Variants in FYCO1 observed in about 807,000 individuals in gnomAD.
FYCO1 encodes FYVE and coiled-coil domain-containing protein 1.
In FYCO1, 122 loss-of-function variants were observed where a neutral mutation model predicts 165.1. The observed-to-expected ratio is 0.74, with a 90% confidence interval of 0.64 to 0.86. The LOEUF (loss-of-function observed/expected upper bound fraction) is 0.86, where lower values mean the gene tolerates loss of function less well. FYCO1 is among the 40% of genes least tolerant of loss of function. The probability of loss-of-function intolerance (pLI) is 0.00; values close to 1 mark genes in which losing one functional copy is unlikely to be tolerated. For missense variants in FYCO1, 1,702 were observed against 1,810.3 expected, an observed-to-expected ratio of 0.94 and a Z score of 1.09; for synonymous variants, 648 against 742.5, an observed-to-expected ratio of 0.87 and a Z score of 2.07.
intron 4 of FYCO1, among the ~76,000 whole-genome samples, chr3:45,978,210 A>G (rs1178369781): frequency 6.6e-6 from 1 of 152,250 alleles, no homozygotes; most frequent in African/African-American, 2.4e-5. Context: ...CCAGACTTCA[A>G]CTGTCCAAAG....
chr3:45,945,938 A>C (rs1704567713), intron 14 of FYCO1: 1 of 154,580 alleles, frequency 6.5e-6, no homozygotes, highest in Non-Finnish European at 1.4e-5. Context: ...GGTCTCCAGG[A>C]GTCTCCTTGA....
chr3:45,980,364 A>G (rs1447550127), intron 3 of FYCO1, among the ~76,000 whole-genome samples: 1 of 152,178 alleles, frequency 6.6e-6, no homozygotes, highest in Non-Finnish European at 1.5e-5. Flanking sequence ...AAAAAAAAAA[A>G]AAGAAAAAGA....
At position 45,932,444 on chromosome 3, in the gene FYCO1, GA is replaced by G. The variant is rs373972723; in HGVS notation, c.4041-1164del. On this transcript the variant is annotated intron_variant, in intron 15 of 17. Transcript: ENST00000296137. ...TGACTGTTGCCATTCTACAAAAGAG[GA>G]AACTAAGATTCTAAAAGATTGAGAA... is the stretch of plus-strand genomic sequence containing the variant. 6.2e-3 allele frequency among the ~76,000 whole-genome samples: 947 copies of G among 152,360 alleles called. 2 individuals carry two copies. Among genetic ancestry groups the G allele is most frequent in the Middle Eastern group, 0.014 (4 of 294 alleles).
At chr3:45,972,063 G>A (rs769942801) in intron 6 of FYCO1, among the ~76,000 whole-genome samples, 8 of 152,138 alleles carry the variant, frequency 5.3e-5, no homozygotes, top group Non-Finnish European at 1.2e-4. Flanking sequence ...GTAAAATATC[G>A]ATAACTAGGG....
At chr3:45,974,852 A>G (rs1706653649) in intron 5 of FYCO1, among the ~76,000 whole-genome samples, 1 of 152,172 alleles carries the variant, frequency 6.6e-6, no homozygotes, top group South Asian at 2.1e-4. Context: ...GTGAGGACGC[A>G]GGCTCAGTAG....
chr3:45,976,614 G>A (rs938754180), intron 4 of FYCO1, among the ~76,000 whole-genome samples: 1 of 152,138 alleles, frequency 6.6e-6, no homozygotes, highest in Non-Finnish European at 1.5e-5. Flanking sequence ...GGGGGAAGGG[G>A]GAGCAGTGGT....
rs546867484 is a variant in FYCO1, at chr3:45,961,561, G to A, written c.3437+664C>T. Among the ~76,000 whole-genome samples the A allele has an allele frequency of 3.0e-3, 460 of 151,472 alleles. 2 individuals carry two copies. Among genetic ancestry groups the A allele is most frequent in the Non-Finnish European group, 5.4e-3 (365 of 67,914 alleles). On this transcript the variant is annotated intron_variant, in intron 11 of 17. Coordinates refer to ENST00000296137, the MANE Select transcript of FYCO1 (RefSeq NM_024513.4). ...CCACTGTACTCAAGCCTGGGCAACA[G>A]AGTGAGACTCTGTCTCAAAAAAAAA...
chr3:45,936,279 T>C (rs745311117), intron 15 of FYCO1, among the ~76,000 whole-genome samples, 169 bp downstream of exon 15: 2 of 152,156 alleles, frequency 1.3e-5, no homozygotes, highest in African/African-American at 2.4e-5. Flanking sequence ...CACTGTATAC[T>C]TGCTTGAATC....
chr3:45,946,852 CTG>C, intron 14 of FYCO1: 1 of 1,614,218 alleles, frequency 6.2e-7, no homozygotes, highest in South Asian at 1.1e-5. Flanking sequence ...ACCTGCATCA[CTG>C]TGGATCGTTT....
chr3:45,975,918 G>A (rs1047122861), intron 4 of FYCO1, among the ~76,000 whole-genome samples: 14 of 152,228 alleles, frequency 9.2e-5, no homozygotes, highest in African/African-American at 3.1e-4. Context: ...GCAGAGGTGC[G>A]TGAGTGCGGC....
chr3:45,928,105 C>T lies in FYCO1; in HGVS notation c.4251+2966G>A, dbSNP rs949474726. ...ACTGGGGGCAGAGGTTGGGGAGTGA[C>T]TGCTAATGGGCACAGAATTTCTTTT... On this transcript the variant is annotated intron_variant, in intron 16 of 17. Transcript: ENST00000296137. Among the ~76,000 whole-genome samples, 16 of 152,266 alleles carry T rather than the reference C, an allele frequency of 1.1e-4. No homozygotes were observed. In the South Asian group the frequency reaches 2.1e-3, roughly 20 times the overall value.
chr3:45,975,162 G>T, intron 5 of FYCO1, 77 bp downstream of exon 5: 2 of 960,008 alleles, frequency 2.1e-6, no homozygotes, highest in Non-Finnish European at 3.4e-6. Context: ...TACTGTTGCA[G>T]CTGTCATTAT....
At chr3:45,935,357 G>T (rs1207985584) in intron 15 of FYCO1, among the ~76,000 whole-genome samples, 1 of 152,106 alleles carries the variant, frequency 6.6e-6, no homozygotes, top group Admixed American at 6.5e-5. Flanking sequence ...TCATTTTGGG[G>T]GTCCCATTTC....
chr3:45,984,553 A>G, intron 2 of FYCO1: 1 of 515,052 alleles, frequency 1.9e-6, no homozygotes, highest in South Asian at 2.1e-5. Flanking sequence ...CAAAGACTTA[A>G]CAGGCAGCTT....
intron 2 of FYCO1, among the ~76,000 whole-genome samples, chr3:45,982,335 AT>A (rs1295279873): frequency 2.0e-5 from 3 of 152,204 alleles, no homozygotes; most frequent in Non-Finnish European, 4.4e-5. Context: ...ACAATTTAGA[AT>A]CTATGAAGTC....
Position 45,968,662 on chromosome 3 carries a change from T to C in FYCO1, c.672A>G (p.Leu224=), listed in dbSNP as rs1359798697. Residue 224 remains leucine, a synonymous_variant, in exon 8 of 18, where the codon CTA becomes CTG. Coordinates refer to ENST00000296137, the MANE Select transcript of FYCO1 (RefSeq NM_024513.4). ...CAAAGCCCTCCAATGCCTCGTTGTT[T>C]AGGGGGCTGTTCAGGTCAAAGTTGG... The part of the protein sequence containing the change: ...MVSNFDLNSP[L]NNEALEGFDE... The C allele has an allele frequency of 1.9e-6, 3 of 1,614,224 alleles. No homozygotes were observed. Among genetic ancestry groups the C allele is most frequent in the African/African-American group, 2.7e-5 (2 of 75,060 alleles).
intron 15 of FYCO1, among the ~76,000 whole-genome samples, chr3:45,934,509 G>A (rs892540228): frequency 2.0e-5 from 3 of 152,228 alleles, no homozygotes; most frequent in African/African-American, 7.2e-5. Context: ...AATGCTGAAA[G>A]AAAAGAACTT....
At chr3:45,947,256 G>A in intron 14 of FYCO1, 1 of 1,614,088 alleles carries the variant, frequency 6.2e-7, no homozygotes, top group Middle Eastern at 1.6e-4. Context: ...CACACACTGG[G>A]AATACTATGC....
intron 1 of FYCO1, among the ~76,000 whole-genome samples, chr3:45,989,777 A>C (rs1215121079): frequency 6.6e-6 from 1 of 152,176 alleles, no homozygotes; most frequent in Non-Finnish European, 1.5e-5. Flanking sequence ...CAAAACAGCC[A>C]CTATTCGAGT....
Sources: gnomAD v4.1 joint callset for allele counts (sites outside exome capture counted in the v4.1 genomes callset) on GRCh38, gnomAD v4.1.1 for gene constraint, MANE v1.5 for transcripts, NCBI Gene and HGNC (gene_info 2026-07-23, HGNC 2026-07-21) for gene names.